The following UGT1A6 variants were observed in gnomAD, a reference collection of about 807,000 sequenced individuals.
The protein encoded by UGT1A6 is UDP-glucuronosyltransferase 1A6.
UGT1A6 carries 32 observed loss-of-function variants against 44.4 expected under a neutral mutation model. The observed-to-expected ratio is 0.72, with a 90% CI of 0.54 to 0.97. UGT1A6 has a LOEUF of 0.97. Among genes scored for constraint, UGT1A6 ranks in the 50% least tolerant of loss-of-function variants. The probability of loss-of-function intolerance (pLI) is 0.00; values close to 1 mark genes in which losing one functional copy is unlikely to be tolerated. For synonymous variants in UGT1A6, 238 were observed against 248.5 expected, an observed-to-expected ratio of 0.96 and a Z score of 0.40; for missense variants, 685 against 661.9, an observed-to-expected ratio of 1.03 and a Z score of -0.38.
intron 1 of UGT1A6, chr2:233,730,033 A>G (rs1166211754): frequency 6.2e-7 from 1 of 1,613,140 alleles, no homozygotes; most frequent in African/African-American, 1.3e-5. Flanking sequence ...GTTCCAGGCA[A>G]AACACTTTTT....
Position 233,693,701 on chromosome 2 carries a change from G to T in UGT1A6, c.697G>T (p.Ala233Ser), listed in dbSNP as rs984756708. The T allele has an allele frequency of 1.2e-6, 2 of 1,614,074 alleles. No individual in the cohort carries two copies. The highest frequency in any genetic ancestry group is 2.2e-5 in the East Asian group (1 of 44,902). Residue 233 changes from alanine (A) to serine (S), a missense_variant, in exon 1 of 5, where the codon GCA becomes TCA. Physicochemically the swap from Ala to Ser is moderately conservative, Grantham distance 99 (BLOSUM62 1). Coordinates refer to ENST00000305139, the MANE Select transcript of UGT1A6 (RefSeq NM_001072.4). ...TCTGTTTTCAAAGTATGAAGAACTC[G>T]CATCAGCTGTCCTCAAGAGAGATGT... ...YCLFSKYEELASAVLKRDVDI... is the reference protein window; with the variant it reads ...YCLFSKYEELSSAVLKRDVDI...
chr2:233,772,775 T>C lies in UGT1A6; in HGVS notation c.*216T>C, dbSNP rs1450071408. On this transcript the variant is annotated 3_prime_UTR_variant, in exon 5 of 5. Transcript: ENST00000305139. ...AATATGTATCGTGCCCCCTCTGGTG[T>C]CTTTGATCAGGATGACATGTGCCAT... 2 of 1,313,948 alleles carry C rather than the reference T, an allele frequency of 1.5e-6. No homozygotes were observed. Among genetic ancestry groups the C allele is most frequent in the East Asian group, 2.7e-5 (1 of 37,564 alleles). 81.4% of individuals were successfully genotyped at this position (1,313,948 alleles called of 1,614,324 possible).
At chr2:233,694,982 G>A (rs2075253119) in intron 1 of UGT1A6, among the ~76,000 whole-genome samples, 1 of 152,086 alleles carries the variant, frequency 6.6e-6, no homozygotes, top group East Asian at 1.9e-4. Context: ...TCCTTATGTT[G>A]GGAACATTCC....
At chr2:233,726,457 C>G (rs1196256616) in intron 1 of UGT1A6, among the ~76,000 whole-genome samples, 2 of 152,164 alleles carry the variant, frequency 1.3e-5, no homozygotes, top group Admixed American at 1.3e-4. Context: ...TGAATGTAAG[C>G]TCATTTCTTT....
intron 1 of UGT1A6, among the ~76,000 whole-genome samples, chr2:233,766,135 C>T (rs569141558): frequency 2.0e-5 from 3 of 152,288 alleles, no homozygotes; most frequent in Admixed American, 6.5e-5. Context: ...CCAGAAGAAT[C>T]GAATCCCACC....
chr2:233,711,499 C>A (rs1243833483), intron 1 of UGT1A6, among the ~76,000 whole-genome samples: 1 of 152,112 alleles, frequency 6.6e-6, no homozygotes, highest in Admixed American at 6.5e-5. Flanking sequence ...GCTGAGAATC[C>A]CTTTCTAGCG....
At chr2:233,709,119 A>T (rs1007025672) in intron 1 of UGT1A6, among the ~76,000 whole-genome samples, 3 of 152,074 alleles carry the variant, frequency 2.0e-5, no homozygotes, top group African/African-American at 7.2e-5. Flanking sequence ...TGAACTAATC[A>T]TGGTGGCCAA....
At chr2:233,692,695 T>A, upstream of UGT1A6, 1 of 372,950 alleles carries the variant, frequency 2.7e-6, no homozygotes, top group Non-Finnish European at 3.7e-6. Context: ...CTCAGGGGTC[T>A]CTCCAAGTCA....
intron 1 of UGT1A6, among the ~76,000 whole-genome samples, chr2:233,754,050 C>A (rs1695383266): frequency 6.6e-6 from 1 of 152,230 alleles, no homozygotes; most frequent in Non-Finnish European, 1.5e-5. Flanking sequence ...GCCAGGTTTA[C>A]CTGCTTTTAT....
At chr2:233,751,162 T>C (rs1694655523) in intron 1 of UGT1A6, among the ~76,000 whole-genome samples, 1 of 151,980 alleles carries the variant, frequency 6.6e-6, no homozygotes, top group South Asian at 2.1e-4. Flanking sequence ...GGCATCAGCA[T>C]GACCTAGATA....
chr2:233,760,312 C>G (rs370790922), intron 1 of UGT1A6: 1 of 1,613,816 alleles, frequency 6.2e-7, no homozygotes, highest in East Asian at 2.2e-5. Context: ...CCAGGGCGGA[C>G]GCCCACTTGT....
At chr2:233,728,644 GT>G (rs1404830027) in intron 1 of UGT1A6, among the ~76,000 whole-genome samples, 1 of 152,172 alleles carries the variant, frequency 6.6e-6, no homozygotes, top group African/African-American at 2.4e-5. Context: ...ATGTTGTATG[GT>G]TTTTGGATGC....
chr2:233,771,905 G>A (rs1048759513), intron 4 of UGT1A6, among the ~76,000 whole-genome samples: 1 of 151,250 alleles, frequency 6.6e-6, no homozygotes, highest in Non-Finnish European at 1.5e-5. Flanking sequence ...CCTTTCAGGT[G>A]ATAATAGTAA....
At chr2:233,761,197 G>C in intron 1 of UGT1A6, 1 of 1,614,114 alleles carries the variant, frequency 6.2e-7, no homozygotes, top group Non-Finnish European at 8.5e-7. Context: ...TCTTTCAGAT[G>C]TATTACTTTG....
chr2:233,710,054 G>T (rs2076107374), intron 1 of UGT1A6, among the ~76,000 whole-genome samples: 1 of 152,154 alleles, frequency 6.6e-6, no homozygotes, highest in South Asian at 2.1e-4. Flanking sequence ...TCTTTGGCTC[G>T]GCATAATGTC....
At chr2:233,714,301 A>G (rs45600634) in intron 1 of UGT1A6, among the ~76,000 whole-genome samples, 30 of 152,200 alleles carry the variant, frequency 2.0e-4, no homozygotes, top group African/African-American at 6.8e-4. Flanking sequence ...CCATCTTGCA[A>G]AAGATAGAGA....
rs751107175 is a variant in UGT1A6, at chr2:233,761,195, A to G, written c.862-5839A>G. On this transcript the variant is annotated intron_variant, in intron 1 of 4. Coordinates refer to ENST00000305139, the MANE Select transcript of UGT1A6 (RefSeq NM_001072.4). ...CTTTTACATGCGTATATTCTTTCAG[A>G]TGTATTACTTTGGATCGATTAACTA... The G allele has an allele frequency of 4.3e-6, 7 of 1,613,994 alleles. No individual in the cohort carries two copies. The African/African-American group carries it at 8.0e-5, about 18-fold the overall frequency.
intron 1 of UGT1A6, among the ~76,000 whole-genome samples, chr2:233,715,183 G>A (rs1174195139): frequency 6.6e-6 from 1 of 152,120 alleles, no homozygotes; most frequent in South Asian, 2.1e-4. Flanking sequence ...ACCACACCTA[G>A]GCAATTTTTC....
intron 1 of UGT1A6, among the ~76,000 whole-genome samples, chr2:233,725,586 A>T (rs1194596370): frequency 6.6e-6 from 1 of 152,166 alleles, no homozygotes; most frequent in Non-Finnish European, 1.5e-5. Flanking sequence ...TTATGACTTA[A>T]CTATTTGACA....
Sources: allele counts gnomAD v4.1 joint callset (sites outside exome capture counted in the v4.1 genomes callset), GRCh38; gene constraint gnomAD v4.1.1; transcripts MANE v1.5; gene names NCBI Gene and HGNC (gene_info 2026-07-23, HGNC 2026-07-21).